Variants in HERC1 observed in about 807,000 individuals in gnomAD.
The protein encoded by HERC1 is HECT and RLD domain containing E3 ubiquitin protein ligase family member 1.
HERC1 carries 160 observed loss-of-function variants against 554.3 expected under a neutral mutation model. That is an observed-to-expected ratio of 0.29 (90% confidence interval 0.25 to 0.33). The LOEUF (loss-of-function observed/expected upper bound fraction) is 0.33. Among genes scored for constraint, HERC1 ranks in the 10% least tolerant of loss-of-function variants. The pLI is 1.00. For synonymous variants in HERC1, 2,175 were observed against 2,131.7 expected, an observed-to-expected ratio of 1.02 and a Z score of -0.56; for missense variants, 4,919 against 5,918.5, an observed-to-expected ratio of 0.83 and a Z score of 5.54.
chr15:63,645,097 A>G lies in HERC1; in HGVS notation c.11079T>C (p.Thr3693=), dbSNP rs200890961. ...CACATACTAAGCCACTCTGACAGCC[A>G]CTTAAAAAAATTGATCACATAAAAC... ...KGSKLQLLMA[T]GCQSGLVCVW... Residue 3693 remains threonine, a splice_region_variant and synonymous_variant, in exon 57 of 78, where the codon ACT becomes ACC. Transcript: ENST00000443617. The G allele has an allele frequency of 4.2e-5, 67 of 1,613,060 alleles. No homozygotes were observed. Among genetic ancestry groups the G allele is most frequent in the Non-Finnish European group, 5.3e-5 (62 of 1,179,286 alleles).
chr15:63,640,071 G>A (rs919614208), intron 61 of HERC1, 81 bp downstream of exon 61: 1 of 1,340,812 alleles, frequency 7.5e-7, no homozygotes. Flanking sequence ...TACCAGCAAA[G>A]ACTTATTAGG....
At chr15:63,795,536 GT>G (rs562865023) in intron 1 of HERC1, among the ~76,000 whole-genome samples, 258 of 152,118 alleles carry the variant, frequency 1.7e-3, no homozygotes, top group African/African-American at 6.0e-3. Context: ...GATACAAAAG[GT>G]TCCTATTTTG....
At chr15:63,636,953 T>G (rs937069979) in intron 64 of HERC1, 7 of 322,752 alleles carry the variant, frequency 2.2e-5, no homozygotes, top group Non-Finnish European at 3.7e-5. Flanking sequence ...TTCTAGGAAC[T>G]TGTTTTGAAC....
intron 50 of HERC1, among the ~76,000 whole-genome samples, chr15:63,655,002 G>A (rs2152906031): frequency 6.6e-6 from 1 of 152,270 alleles, no homozygotes; most frequent in African/African-American, 2.4e-5. Context: ...TTTGGCTTTT[G>A]TTGCTCAAAA....
intron 76 of HERC1, among the ~76,000 whole-genome samples, chr15:63,614,690 C>T (rs2067741202): frequency 6.6e-6 from 1 of 152,302 alleles, no homozygotes; most frequent in South Asian, 2.1e-4. Flanking sequence ...TACTGAAATG[C>T]TATTAATGAC....
At chr15:63,740,250 T>C (rs761490073) in intron 12 of HERC1, among the ~76,000 whole-genome samples, 18 of 152,230 alleles carry the variant, frequency 1.2e-4, no homozygotes, top group Non-Finnish European at 1.6e-4. Context: ...GGTTGTAGTA[T>C]GTATCACTAC....
intron 1 of HERC1, among the ~76,000 whole-genome samples, chr15:63,811,538 G>A (rs756326638): frequency 2.6e-5 from 4 of 152,104 alleles, no homozygotes; most frequent in Non-Finnish European, 4.4e-5. Context: ...GGCCGGGCGC[G>A]GTGGCTCACG....
intron 1 of HERC1, 33 bp downstream of exon 1, chr15:63,833,794 A>ACACACAC (rs1567176642): frequency 4.4e-5 from 6 of 137,460 alleles, no homozygotes; most frequent in African/African-American, 1.9e-4. Context: ...CACACACAGG[A>ACACACAC]CCAGGAGGAC....
At chr15:63,648,660 T>G (rs991007498) in intron 54 of HERC1, among the ~76,000 whole-genome samples, 2 of 150,796 alleles carry the variant, frequency 1.3e-5, no homozygotes, top group African/African-American at 4.9e-5. Flanking sequence ...AATCTATATT[T>G]CTACTTGTTT....
At chr15:63,679,681 C>A (rs2152995213) in intron 36 of HERC1, among the ~76,000 whole-genome samples, 1 of 152,290 alleles carries the variant, frequency 6.6e-6, no homozygotes, top group Non-Finnish European at 1.5e-5. Context: ...CTGAAAATTC[C>A]CCCAGCTGAA....
chr15:63,781,454 G>A (rs1408194310), intron 1 of HERC1, among the ~76,000 whole-genome samples: 1 of 152,078 alleles, frequency 6.6e-6, no homozygotes, highest in Non-Finnish European at 1.5e-5. Flanking sequence ...ATGGTAACCT[G>A]TAATCAGCAA....
chr15:63,691,125 C>T (rs966717650), intron 31 of HERC1, among the ~76,000 whole-genome samples: 2 of 152,146 alleles, frequency 1.3e-5, no homozygotes, highest in African/African-American at 4.8e-5. Flanking sequence ...GACTGTCTCA[C>T]AGGGATTGTT....
intron 43 of HERC1, 121 bp downstream of exon 43, chr15:63,664,349 T>C (rs2070507069): frequency 2.6e-6 from 2 of 768,834 alleles, no homozygotes; most frequent in Admixed American, 5.1e-5. Context: ...AAATAGCTGT[T>C]CTGTTAATGT....
chr15:63,776,320 C>G (rs1315006402), intron 1 of HERC1, among the ~76,000 whole-genome samples: 1 of 152,192 alleles, frequency 6.6e-6, no homozygotes, highest in East Asian at 1.9e-4. Context: ...CCACCCCACC[C>G]AAACCTGTCC....
intron 74 of HERC1, among the ~76,000 whole-genome samples, chr15:63,619,149 T>A (rs1386212091): frequency 6.6e-6 from 1 of 152,222 alleles, no homozygotes; most frequent in East Asian, 1.9e-4. Flanking sequence ...AGATAGCTCT[T>A]ACTATTTTGA....
At chr15:63,764,595 C>A (rs2075713687) in intron 2 of HERC1, among the ~76,000 whole-genome samples, 1 of 152,114 alleles carries the variant, frequency 6.6e-6, no homozygotes, top group Non-Finnish European at 1.5e-5. Context: ...CAGAATACAG[C>A]CAGCTTTAGT....
rs183519177 is a variant in HERC1, at chr15:63,698,788, A to T, written c.4845T>A (p.Ser1615Arg). The T allele has an allele frequency of 6.2e-7, 1 of 1,613,912 alleles. No homozygotes were observed. The highest frequency in any genetic ancestry group is 8.5e-7 in the Non-Finnish European group (1 of 1,179,834). ...NAPGFKEPEE[S>R]MSTSPQASII... Reference sequence around the variant, plus strand: ...TGGAGGCCTGGGGACTTGTAGACATACTTTCCTCTGGCTCTTTAAAACCTG... The same window carrying T: ...TGGAGGCCTGGGGACTTGTAGACATTCTTTCCTCTGGCTCTTTAAAACCTG... Residue 1615 changes from serine to arginine, a missense_variant, in exon 26 of 78, where the codon AGT becomes AGA. By Grantham distance (110) the Ser-to-Arg change is moderately radical (BLOSUM62 -1). This residue lies in a region of HERC1 where 1,121 missense variants were observed against 1,244.0 expected (regional missense o/e 0.90). Transcript: ENST00000443617.
intron 31 of HERC1, among the ~76,000 whole-genome samples, chr15:63,690,917 TCA>T (rs747591711): frequency 3.9e-4 from 59 of 152,198 alleles, no homozygotes; most frequent in Non-Finnish European, 6.3e-4. Context: ...GCTACACATT[TCA>T]CACACATACA....
intron 44 of HERC1, 48 bp downstream of exon 44, chr15:63,662,936 G>A (rs1309634583): frequency 5.6e-6 from 8 of 1,424,686 alleles, no homozygotes; most frequent in Middle Eastern, 1.8e-4. Flanking sequence ...ATATGAACAG[G>A]AGGGCAGGAA....
Sources: gnomAD v4.1 joint callset for allele counts (sites outside exome capture counted in the v4.1 genomes callset) on GRCh38, gnomAD v4.1.1 for gene constraint, gnomAD v4.1.1 regional missense constraint, MANE v1.5 for transcripts, NCBI Gene and HGNC (gene_info 2026-07-23, HGNC 2026-07-21) for gene names.